Variants in PLXNA4 observed in about 807,000 individuals in gnomAD.
The protein encoded by PLXNA4 is plexin-A4.
PLXNA4 carries 44 observed loss-of-function variants against 191.8 expected under a neutral mutation model. The ratio of observed to expected loss-of-function variants is 0.23; its 90% CI spans 0.18 to 0.29. PLXNA4 has a LOEUF of 0.29. Among genes scored for constraint, PLXNA4 ranks in the 10% least tolerant of loss-of-function variants. The pLI, the probability that PLXNA4 is intolerant of heterozygous loss-of-function variation, is 1.00. For synonymous variants in PLXNA4, 1,082 were observed against 1,009.5 expected (o/e 1.07, Z -1.36); for missense variants, 1,800 against 2,488.8 (o/e 0.72, Z 5.89).
intron 13 of PLXNA4, among the ~76,000 whole-genome samples, chr7:132,196,568 T>C (rs1797260924): frequency 6.6e-6 from 1 of 152,246 alleles, no homozygotes; most frequent in Non-Finnish European, 1.5e-5. Context: ...GTTTTTACTA[T>C]TATAAATAAG....
intron 3 of PLXNA4, among the ~76,000 whole-genome samples, chr7:132,299,117 G>C (rs182503266): frequency 6.6e-6 from 1 of 152,164 alleles, no homozygotes. Flanking sequence ...TGACCGCTGC[G>C]CAGTCAGTGC....
chr7:132,327,448 A>G (rs1371685734), intron 3 of PLXNA4, among the ~76,000 whole-genome samples: 1 of 152,180 alleles, frequency 6.6e-6, no homozygotes. Context: ...CATATAACAT[A>G]TGGAGTCTCC....
At chr7:132,475,770 AC>A (rs1464739498) in intron 3 of PLXNA4, among the ~76,000 whole-genome samples, 2 of 151,588 alleles carry the variant, frequency 1.3e-5, no homozygotes, top group African/African-American at 2.4e-5. Flanking sequence ...AAAAAAAGCA[AC>A]CGGGAGACTG....
chr7:132,380,876 G>T (rs1314477109), intron 3 of PLXNA4, among the ~76,000 whole-genome samples: 2 of 152,176 alleles, frequency 1.3e-5, no homozygotes, highest in Admixed American at 1.3e-4. Flanking sequence ...AGGGGGAAAT[G>T]GCATTAATGC....
chr7:132,622,809 C>T (rs1442512051), intron 2 of PLXNA4, among the ~76,000 whole-genome samples: 2 of 152,324 alleles, frequency 1.3e-5, no homozygotes, highest in African/African-American at 4.8e-5. Flanking sequence ...TAGGAAGCTG[C>T]CCTCGAGCTC....
At chr7:132,252,913 T>C (rs1464986037) in intron 4 of PLXNA4, among the ~76,000 whole-genome samples, 4 of 152,210 alleles carry the variant, frequency 2.6e-5, no homozygotes, top group African/African-American at 4.8e-5. Flanking sequence ...TGAATGTCTA[T>C]GATTCATATT....
chr7:132,461,721 G>T (rs527772195), intron 3 of PLXNA4, among the ~76,000 whole-genome samples: 2 of 152,174 alleles, frequency 1.3e-5, no homozygotes, highest in African/African-American at 2.4e-5. Context: ...CGGGCCTCAG[G>T]CTCCCCTCCT....
At chr7:132,478,858 G>A (rs1160424320) in intron 3 of PLXNA4, among the ~76,000 whole-genome samples, 1 of 152,098 alleles carries the variant, frequency 6.6e-6, no homozygotes, top group East Asian at 1.9e-4. Flanking sequence ...TATCTTGGTG[G>A]GGAGGTAAAA....
chr7:132,182,899 A>G (rs1224816026), intron 16 of PLXNA4, among the ~76,000 whole-genome samples: 1 of 152,118 alleles, frequency 6.6e-6, no homozygotes, highest in Non-Finnish European at 1.5e-5. Flanking sequence ...TTTCAAAAGA[A>G]ACCTGGATGC....
intron 30 of PLXNA4, 138 bp downstream of exon 30, chr7:132,140,461 G>A: frequency 7.8e-7 from 1 of 1,277,538 alleles, no homozygotes; most frequent in Non-Finnish European, 1.1e-6. Context: ...GGGTGTGGGT[G>A]TTGCAGTGGC....
chr7:132,348,480 A>T (rs1261097199), intron 3 of PLXNA4, among the ~76,000 whole-genome samples: 1 of 152,216 alleles, frequency 6.6e-6, no homozygotes, highest in African/African-American at 2.4e-5. Flanking sequence ...TTCTCTTCAG[A>T]CCCAGTGTTT....
chr7:132,486,627 C>T (rs528920329), intron 3 of PLXNA4, among the ~76,000 whole-genome samples: 1 of 152,238 alleles, frequency 6.6e-6, no homozygotes, highest in Non-Finnish European at 1.5e-5. Flanking sequence ...CCCCAACTGA[C>T]CCTTGCGCTC....
chr7:132,351,107 T>C (rs776870499), intron 3 of PLXNA4, among the ~76,000 whole-genome samples: 2 of 152,164 alleles, frequency 1.3e-5, no homozygotes, highest in Admixed American at 6.5e-5. Context: ...AAAGATAGAT[T>C]AGTGGCTACC....
chr7:132,523,717 G>A (rs1461372950), intron 1 of PLXNA4, among the ~76,000 whole-genome samples: 1 of 152,198 alleles, frequency 6.6e-6, no homozygotes, highest in Non-Finnish European at 1.5e-5. Context: ...CCTGACTCAG[G>A]TGACAGTGTC....
intron 2 of PLXNA4, among the ~76,000 whole-genome samples, chr7:132,503,354 G>A (rs957550303): frequency 3.3e-5 from 5 of 152,180 alleles, no homozygotes; most frequent in Admixed American, 1.3e-4. Context: ...GTGCTAGTTC[G>A]TTAGTGTTGG....
intron 3 of PLXNA4, among the ~76,000 whole-genome samples, chr7:132,303,419 ATT>A (rs1199828211): frequency 1.3e-5 from 2 of 151,870 alleles, no homozygotes; most frequent in African/African-American, 2.4e-5. Context: ...AAACACAAAA[ATT>A]AGCTGGGCGT....
At chr7:132,301,087 C>A (rs1381542084) in intron 3 of PLXNA4, among the ~76,000 whole-genome samples, 1 of 152,202 alleles carries the variant, frequency 6.6e-6, no homozygotes, top group Non-Finnish European at 1.5e-5. Context: ...AGGCTGGATG[C>A]AGATTAGTCC....
chr7:132,131,633 C>A (rs138137397), intron 31 of PLXNA4, among the ~76,000 whole-genome samples: 1 of 152,222 alleles, frequency 6.6e-6, no homozygotes, highest in Non-Finnish European at 1.5e-5. Context: ...CATTTGTACG[C>A]GCCATCATTT....
Position 132,227,500 on chromosome 7 carries a change from C to T in PLXNA4, c.1833G>A (p.Gln611=), listed in dbSNP as rs779555033. 8.1e-6 allele frequency: 13 copies of T among 1,614,104 alleles called. No homozygotes were observed. The highest frequency in any genetic ancestry group is 9.3e-6 in the Non-Finnish European group (11 of 1,180,054). ...CCTCCTTGGCTGCAGGGGAGTAGCACTGGATCTGATTGCCCACGACCAGCC... is the reference window on the plus strand; with the variant it reads ...CCTCCTTGGCTGCAGGGGAGTAGCATTGGATCTGATTGCCCACGACCAGCC... ...MDGLVVGNQI[Q]CYSPAAKEVP... Residue 611 remains glutamine (Q), a synonymous_variant, in exon 7 of 32, where the codon CAG becomes CAA. Coordinates refer to ENST00000321063, the MANE Select transcript of PLXNA4 (RefSeq NM_020911.2).
Sources: gnomAD v4.1 joint callset for allele counts (sites outside exome capture counted in the v4.1 genomes callset) on GRCh38, gnomAD v4.1.1 for gene constraint, MANE v1.5 for transcripts, NCBI Gene and HGNC (gene_info 2026-07-23, HGNC 2026-07-21) for gene names.